The following ADGRL3 variants were observed in gnomAD, a reference collection of about 807,000 sequenced individuals.
The protein encoded by ADGRL3 is calcium-independent alpha-latrotoxin receptor 3.
Under a neutral mutation model 153.5 loss-of-function variants are expected in ADGRL3, and 62 were observed. The ratio of observed to expected loss-of-function variants is 0.40; its 90% CI spans 0.33 to 0.50. The LOEUF (loss-of-function observed/expected upper bound fraction) is 0.50, where lower values mean the gene tolerates loss of function less well. Ranked by LOEUF, ADGRL3 falls within the 20% of genes least tolerant of loss-of-function variation. The probability of loss-of-function intolerance (pLI) is 0.47; values close to 1 mark genes in which losing one functional copy is unlikely to be tolerated. For missense variants in ADGRL3, 1,641 were observed against 1,859.4 expected, an observed-to-expected ratio of 0.88 and a Z score of 2.16; for synonymous variants, 710 against 672.5, an observed-to-expected ratio of 1.06 and a Z score of -0.86.
intron 2 of ADGRL3, among the ~76,000 whole-genome samples, chr4:61,433,379 G>A (rs1025095393): frequency 2.2e-4 from 29 of 130,546 alleles, no homozygotes; most frequent in Middle Eastern, 4.7e-3. Context: ...AAAAAATCAG[G>A]CCACCTCTCT....
intron 1 of ADGRL3, among the ~76,000 whole-genome samples, chr4:61,225,332 T>C (rs896512155): frequency 1.3e-5 from 2 of 152,172 alleles, no homozygotes; most frequent in African/African-American, 4.8e-5. Context: ...CTTGAATTGA[T>C]GGCCCCACAG....
intron 9 of ADGRL3, among the ~76,000 whole-genome samples, chr4:61,814,936 G>C (rs1022084280): frequency 6.6e-6 from 1 of 151,964 alleles, no homozygotes; most frequent in Non-Finnish European, 1.5e-5. Flanking sequence ...TCCCTTATCT[G>C]TATGCTCTGT....
chr4:61,886,331 T>C (rs1192745397), intron 9 of ADGRL3, among the ~76,000 whole-genome samples: 1 of 152,206 alleles, frequency 6.6e-6, no homozygotes, highest in Non-Finnish European at 1.5e-5. Context: ...AGCATTGTTA[T>C]GGTTTCAGTT....
rs143860016 is a variant in ADGRL3, at chr4:61,524,274, A to G, written c.259+6756A>G. Among the ~76,000 whole-genome samples, 25 of 152,220 alleles carry G rather than the reference A, an allele frequency of 1.6e-4. No homozygotes were observed. In the East Asian group the frequency reaches 2.9e-3, roughly 18 times the overall value. On this transcript the variant is annotated intron_variant, in intron 4 of 26. Coordinates refer to ENST00000683033, the MANE Select transcript of ADGRL3 (RefSeq NM_001387552.1). ...AGGGCAAGTCAGATGATGTCCATAA[A>G]ACATCAAACTTTCGTAGACTGCCTT...
intron 4 of ADGRL3, among the ~76,000 whole-genome samples, chr4:61,522,849 A>T (rs2098539079): frequency 6.6e-6 from 1 of 152,114 alleles, no homozygotes; most frequent in Non-Finnish European, 1.5e-5. Context: ...TACCAGACGA[A>T]CATGCTTGCC....
At chr4:61,735,103 T>G (rs537032563) in intron 8 of ADGRL3, among the ~76,000 whole-genome samples, 1 of 152,372 alleles carries the variant, frequency 6.6e-6, no homozygotes, top group African/African-American at 2.4e-5. Flanking sequence ...TGGCCTTGTC[T>G]TACTCTTTCT....
Position 61,909,756 on chromosome 4 carries a change from T to A in ADGRL3, c.2073+11T>A. On this transcript the variant is annotated intron_variant, in intron 12 of 26. Coordinates refer to ENST00000683033, the MANE Select transcript of ADGRL3 (RefSeq NM_001387552.1). ...CGGAGTTTGAACAAGGTAAGGACCC[T>A]AATTATGTGTGTGTGTGTGTGTGTG... 2.0e-6 allele frequency: 3 copies of A among 1,509,322 alleles called. No homozygotes were observed. Among genetic ancestry groups the A allele is most frequent in the Non-Finnish European group, 1.8e-6 (2 of 1,126,556 alleles). The allele number at this position is 1,509,322 out of a possible 1,614,324, so 93.5% of individuals were successfully genotyped here. A position where few individuals can be genotyped will look rare whatever the true frequency, so the allele number is the denominator to read the frequency against.
intron 8 of ADGRL3, among the ~76,000 whole-genome samples, chr4:61,769,635 C>T (rs555223745): frequency 5.3e-4 from 80 of 151,902 alleles, no homozygotes; most frequent in Admixed American, 2.9e-3. Flanking sequence ...AGGCTGAGTC[C>T]GAAAAGGGTC....
intron 18 of ADGRL3, 136 bp downstream of exon 18, chr4:61,979,908 A>T (rs1198640108): frequency 8.1e-6 from 6 of 740,586 alleles, no homozygotes; most frequent in Non-Finnish European, 1.3e-5. Flanking sequence ...TTCAGGCCTT[A>T]CTCAGTTTTC....
chr4:61,570,085 A>G (rs531055323), intron 4 of ADGRL3, among the ~76,000 whole-genome samples: 1 of 152,142 alleles, frequency 6.6e-6, no homozygotes, highest in Non-Finnish European at 1.5e-5. Context: ...TCATTCAGGA[A>G]CTTCATATAT....
At chr4:61,382,923 A>C (rs1446866794) in intron 1 of ADGRL3, among the ~76,000 whole-genome samples, 3 of 151,880 alleles carry the variant, frequency 2.0e-5, no homozygotes, top group Non-Finnish European at 2.9e-5. Context: ...ATAATAAATT[A>C]GATAGTCTAG....
At chr4:61,439,347 T>C (rs1191088556) in intron 2 of ADGRL3, among the ~76,000 whole-genome samples, 1 of 152,230 alleles carries the variant, frequency 6.6e-6, no homozygotes, top group Non-Finnish European at 1.5e-5. Context: ...CAGCTTATTC[T>C]TCCATCAAGA....
At chr4:61,856,604 CTTTTTTTTTTTTT>C (rs1157019252) in intron 9 of ADGRL3, among the ~76,000 whole-genome samples, 12 of 15,618 alleles carry the variant, frequency 7.7e-4, no homozygotes, top group African/African-American at 1.9e-3. Context: ...CTCTCTCTCT[CTTTTTTTTTTTTT>C]TTTTTTTTTT....
At chr4:61,928,301 A>G (rs1204205376) in intron 13 of ADGRL3, among the ~76,000 whole-genome samples, 1 of 152,158 alleles carries the variant, frequency 6.6e-6, no homozygotes, top group Non-Finnish European at 1.5e-5. Context: ...CAACTTGCTC[A>G]TTATGTACTT....
intron 1 of ADGRL3, among the ~76,000 whole-genome samples, chr4:61,241,998 C>T (rs1299107081): frequency 6.6e-6 from 1 of 152,030 alleles, no homozygotes; most frequent in Non-Finnish European, 1.5e-5. Flanking sequence ...GCTATGGCTT[C>T]TATCCATCCC....
At chr4:61,718,602 A>G (rs1400959068) in intron 6 of ADGRL3, among the ~76,000 whole-genome samples, 1 of 152,214 alleles carries the variant, frequency 6.6e-6, no homozygotes, top group Non-Finnish European at 1.5e-5. Context: ...ACATAAAATT[A>G]AAGATTTAAT....
At chr4:61,836,066 T>G (rs2097930483) in intron 9 of ADGRL3, among the ~76,000 whole-genome samples, 1 of 152,120 alleles carries the variant, frequency 6.6e-6, no homozygotes, top group Non-Finnish European at 1.5e-5. Context: ...ACAGCGAGAT[T>G]TTATCCAGTA....
chr4:62,031,660 A>G, intron 23 of ADGRL3, 50 bp downstream of exon 23: 1 of 1,273,656 alleles, frequency 7.9e-7, no homozygotes, highest in South Asian at 1.3e-5. Flanking sequence ...ATTTCATGAT[A>G]GCAAAGCAGC....
intron 1 of ADGRL3, among the ~76,000 whole-genome samples, chr4:61,338,644 A>G (rs1430981247): frequency 3.9e-5 from 6 of 152,126 alleles, no homozygotes; most frequent in African/African-American, 1.4e-4. Flanking sequence ...CTATTTCCGA[A>G]TTGGATGTCC....
Sources: gnomAD v4.1 joint callset for allele counts (sites outside exome capture counted in the v4.1 genomes callset) on GRCh38, gnomAD v4.1.1 for gene constraint, MANE v1.5 for transcripts, NCBI Gene and HGNC (gene_info 2026-07-23, HGNC 2026-07-21) for gene names.